ARHGAP32: variants seen among roughly 807,000 people sequenced by gnomAD.
ARHGAP32 encodes rho GTPase-activating protein 32.
A neutral mutation model predicts 186.5 loss-of-function variants in ARHGAP32; 51 were observed. The observed-to-expected ratio is 0.27, with a 90% confidence interval of 0.22 to 0.35. ARHGAP32 has a LOEUF of 0.35. Among genes scored for constraint, ARHGAP32 ranks in the 10% least tolerant of loss-of-function variants. The pLI is 1.00. For missense variants in ARHGAP32, 2,186 were observed against 2,623.5 expected, an observed-to-expected ratio of 0.83 and a Z score of 3.64; for synonymous variants, 950 against 964.3, an observed-to-expected ratio of 0.99 and a Z score of 0.27.
intron 2 of ARHGAP32, among the ~76,000 whole-genome samples, chr11:129,129,950 C>G (rs1034813273): frequency 6.6e-6 from 1 of 152,152 alleles, no homozygotes; most frequent in African/African-American, 2.4e-5. Context: ...AACTTATATT[C>G]TCTATCTTCA....
intron 1 of ARHGAP32, among the ~76,000 whole-genome samples, chr11:129,264,366 G>A (rs1489480244): frequency 6.6e-6 from 1 of 152,088 alleles, no homozygotes; most frequent in African/African-American, 2.4e-5. Context: ...CTAAAAAATG[G>A]CTAAGATAGC....
intron 12 of ARHGAP32, among the ~76,000 whole-genome samples, chr11:128,989,686 T>C (rs1945990198): frequency 6.6e-6 from 1 of 152,096 alleles, no homozygotes; most frequent in Admixed American, 6.6e-5. Flanking sequence ...CATTGAGTAT[T>C]TCTCCTAATG....
At chr11:129,209,734 T>C (rs1393344526) in intron 1 of ARHGAP32, among the ~76,000 whole-genome samples, 1 of 152,168 alleles carries the variant, frequency 6.6e-6, no homozygotes, top group Non-Finnish European at 1.5e-5. Flanking sequence ...AGTAAAGATT[T>C]TTCTTCTCTA....
rs1335782048 is a variant in ARHGAP32 at position 129,026,848 on chromosome 11, C to T, written c.1045+14080G>A. ...GGTGCAGTGGCTCACACCTGTAACA[C>T]CAGCACTTTGGGAGGCTGAGGAGGG... On this transcript the variant is annotated intron_variant, in intron 11 of 22. Coordinates refer to ENST00000682385, the MANE Select transcript of ARHGAP32 (RefSeq NM_001378024.1). Among the ~76,000 whole-genome samples the T allele has an allele frequency of 4.1e-5, 6 of 145,902 alleles. No individual in the cohort carries two copies. In the Admixed American group the frequency reaches 4.2e-4, roughly 10 times the overall value.
intron 10 of ARHGAP32, among the ~76,000 whole-genome samples, chr11:129,049,695 G>C (rs1323569898): frequency 1.3e-5 from 2 of 152,016 alleles, no homozygotes; most frequent in African/African-American, 4.8e-5. Context: ...CACTCATGTT[G>C]CTGTATTTAT....
chr11:129,040,630 A>AT (rs1056363543), intron 11 of ARHGAP32, among the ~76,000 whole-genome samples: 1 of 152,154 alleles, frequency 6.6e-6, no homozygotes, highest in South Asian at 2.1e-4. Flanking sequence ...CTTTAAACCT[A>AT]TTTTTTAAAT....
chr11:129,085,175 C>G (rs1941347971), intron 6 of ARHGAP32, among the ~76,000 whole-genome samples: 1 of 151,974 alleles, frequency 6.6e-6, no homozygotes, highest in African/African-American at 2.4e-5. Context: ...AGGCACACAC[C>G]ACCACACATG....
At chr11:128,981,358 C>A (rs1370778119) in intron 17 of ARHGAP32, 58 bp downstream of exon 17, 1 of 1,514,798 alleles carries the variant, frequency 6.6e-7, no homozygotes, top group African/African-American at 1.4e-5. Flanking sequence ...GCATGGTTTG[C>A]TACTCCTCTG....
chr11:129,143,238 G>T (rs1943099045), intron 2 of ARHGAP32, among the ~76,000 whole-genome samples: 1 of 152,144 alleles, frequency 6.6e-6, no homozygotes, highest in East Asian at 1.9e-4. Context: ...ATTGGTCTAA[G>T]TATTGTCCCC....
intron 2 of ARHGAP32, 147 bp from the exon 3 acceptor site, chr11:129,125,041 T>G (rs1942628518): frequency 1.9e-6 from 1 of 539,872 alleles, no homozygotes; most frequent in Non-Finnish European, 3.2e-6. Flanking sequence ...TACTGAGTTT[T>G]AATTATTAAG....
chr11:129,081,302 A>G (rs1409617248), intron 6 of ARHGAP32, among the ~76,000 whole-genome samples: 2 of 151,984 alleles, frequency 1.3e-5, no homozygotes, highest in Non-Finnish European at 2.9e-5. Context: ...AAGAAAAGAT[A>G]TAACAAAAAA....
chr11:129,035,914 T>C (rs1017891650), intron 11 of ARHGAP32, among the ~76,000 whole-genome samples: 1 of 152,196 alleles, frequency 6.6e-6, no homozygotes, highest in Non-Finnish European at 1.5e-5. Flanking sequence ...AAATACTAGC[T>C]TTTGAAGGTA....
intron 2 of ARHGAP32, among the ~76,000 whole-genome samples, chr11:129,125,382 A>G (rs1378954798): frequency 6.6e-6 from 1 of 152,134 alleles, no homozygotes; most frequent in Non-Finnish European, 1.5e-5. Flanking sequence ...TCTTAACTTC[A>G]GTGATACAAT....
At chr11:129,024,031 TC>T in intron 11 of ARHGAP32, 1 of 985,468 alleles carries the variant, frequency 1.0e-6, no homozygotes, top group East Asian at 1.1e-4. Context: ...TCAAGTTAGG[TC>T]CCACATCACT....
chr11:129,087,363 T>A lies in ARHGAP32; in HGVS notation c.531+6258A>T, dbSNP rs551092433. 5.3e-5 allele frequency among the ~76,000 whole-genome samples: 8 copies of A among 152,308 alleles called. No individual in the cohort carries two copies. The East Asian group carries it at 1.2e-3, about 22-fold the overall frequency. ...ACTGAGATGTCTTTCAGTAGATGAATGAATACATAAAATGTGGTATAACCA... is the reference window on the plus strand; with the variant it reads ...ACTGAGATGTCTTTCAGTAGATGAAAGAATACATAAAATGTGGTATAACCA... On this transcript the variant is annotated intron_variant, in intron 6 of 22. Transcript: ENST00000682385.
In ARHGAP32 at chr11:129,226,554, CT is replaced by C. The variant is rs529340166; in HGVS notation, c.-5+52591del. Among the ~76,000 whole-genome samples, 191 of 152,068 alleles carry C rather than the reference CT, an allele frequency of 1.3e-3. 1 individual carries two copies. Among genetic ancestry groups the C allele is most frequent in the African/African-American group, 4.5e-3 (187 of 41,510 alleles). ...CTTCCCTCCATTATGGCATTCTTTT[CT>C]GTTAAATATTTTCCAGTACAAAAAA... is the stretch of plus-strand genomic sequence containing the variant. On this transcript the variant is annotated intron_variant, in intron 1 of 6. Coordinates refer to the ARHGAP32 transcript ENST00000525234.
intron 1 of ARHGAP32, among the ~76,000 whole-genome samples, chr11:129,233,243 G>T (rs1565475394): frequency 6.6e-6 from 1 of 152,134 alleles, no homozygotes; most frequent in Non-Finnish European, 1.5e-5. Context: ...AAATAATCAT[G>T]GGTGGTAGGA....
intron 6 of ARHGAP32, among the ~76,000 whole-genome samples, chr11:129,069,063 A>C (rs1271479200): frequency 6.6e-6 from 1 of 152,204 alleles, no homozygotes; most frequent in East Asian, 1.9e-4. Context: ...TTTATCCATT[A>C]TATCTTCTGA....
intron 1 of ARHGAP32, among the ~76,000 whole-genome samples, chr11:129,180,597 T>G (rs1444425875): frequency 6.6e-6 from 1 of 152,138 alleles, no homozygotes; most frequent in East Asian, 1.9e-4. Context: ...ACCAACTCAA[T>G]AAGAAATTTA....
Sources: gnomAD v4.1 joint callset for allele counts (sites outside exome capture counted in the v4.1 genomes callset) on GRCh38, gnomAD v4.1.1 for gene constraint, MANE v1.5 for transcripts, NCBI Gene and HGNC (gene_info 2026-07-23, HGNC 2026-07-21) for gene names.